CAMTA2: variants seen among roughly 807,000 people sequenced by gnomAD.
The protein encoded by CAMTA2 is calmodulin binding transcription activator 2.
Under a neutral mutation model 135.7 loss-of-function variants are expected in CAMTA2, and 56 were observed. That is an observed-to-expected ratio of 0.41 (90% CI 0.33 to 0.52). The LOEUF (loss-of-function observed/expected upper bound fraction) is 0.52, where lower values mean the gene tolerates loss of function less well. Among genes scored for constraint, CAMTA2 ranks in the 20% least tolerant of loss-of-function variants. The pLI, the probability that CAMTA2 is intolerant of heterozygous loss-of-function variation, is 0.16. For synonymous variants in CAMTA2, 591 were observed against 604.6 expected, an observed-to-expected ratio of 0.98 and a Z score of 0.33; for missense variants, 1,358 against 1,553.4, an observed-to-expected ratio of 0.87 and a Z score of 2.11.
At chr17:4,986,720 T>C (rs1973345686) in intron 1 of CAMTA2, 1 of 555,330 alleles carries the variant, frequency 1.8e-6, no homozygotes, top group Admixed American at 3.6e-5. Flanking sequence ...AGCTAGGCCT[T>C]TAGAAGACAC....
rs1229627847 is a variant in CAMTA2 at position 4,968,183 on chromosome 17, T to TCC, written c.*571_*572dup. On this transcript the variant is annotated 3_prime_UTR_variant, in exon 23 of 23. Transcript: ENST00000348066. ...TATGTTACAGTATGTACAAGACCCC[T>TCC]CCCCTCGGGGGACGGGGCGGACTCC... 1 of 265,584 alleles carries TCC rather than the reference T, an allele frequency of 3.8e-6. No individual in the cohort carries two copies. The highest frequency in any genetic ancestry group is 2.2e-5 in the African/African-American group (1 of 45,006). 16.5% of individuals were successfully genotyped at this position (265,584 alleles called of 1,614,324 possible).
At chr17:4,981,415 C>T in intron 7 of CAMTA2, 56 bp from the exon 8 acceptor site, 1 of 1,593,210 alleles carries the variant, frequency 6.3e-7, no homozygotes, top group Admixed American at 1.7e-5. Context: ...CCCCAGAGTA[C>T]CTTGATGGCT....
rs771886375 is a variant in CAMTA2, at chr17:4,977,238, C to T, written c.1766-46G>A. On this transcript the variant is annotated intron_variant, in intron 10 of 22. Transcript: ENST00000348066. ...GAGAAGGGCTCTCTTTCCCTGGCTC[C>T]TTCTCTGGCTACCTGTGTCAGCCAC... is the stretch of plus-strand genomic sequence containing the variant. The T allele has an allele frequency of 3.1e-6, 5 of 1,598,730 alleles. No individual in the cohort carries two copies. The East Asian group carries it at 6.7e-5, about 22-fold the overall frequency.
intron 11 of CAMTA2, among the ~76,000 whole-genome samples, chr17:4,976,453 CTT>C (rs750527941): frequency 3.8e-4 from 58 of 152,200 alleles, no homozygotes; most frequent in Non-Finnish European, 7.9e-4. Context: ...AATCCCAACA[CTT>C]TGGTAGACCA....
chr17:4,972,582 T>A, intron 15 of CAMTA2, 46 bp from the exon 16 acceptor site: 2 of 1,571,600 alleles, frequency 1.3e-6, no homozygotes, highest in Non-Finnish European at 1.7e-6. Context: ...GCCACGGCCA[T>A]CCCTCGCTCA....
At position 4,974,407 on chromosome 17, in the gene CAMTA2, C is replaced by G; in HGVS notation, c.1994G>C (p.Gly665Ala). 1 of 1,612,888 alleles carries G rather than the reference C, an allele frequency of 6.2e-7. No individual in the cohort carries two copies. Among genetic ancestry groups the G allele is most frequent in the Non-Finnish European group, 8.5e-7 (1 of 1,178,926 alleles). ...TACCTGAACTGGAGGAGCATCAGGA[C>G]CCTGGCAAGGCACCTGCCCAGCTGC... is the stretch of plus-strand genomic sequence containing the variant. The part of the protein sequence containing the change: ...IAAAGQVPCQ[G>A]PDAPPVQDEG... Residue 665 changes from glycine to alanine, a missense_variant, in exon 12 of 23, where the codon GGT becomes GCT. Gly to Ala is a moderately conservative substitution (Grantham distance 60, BLOSUM62 0). Coordinates refer to ENST00000348066, the MANE Select transcript of CAMTA2 (RefSeq NM_015099.4).
chr17:4,969,714 A>C lies in CAMTA2; in HGVS notation c.3190-13T>G, dbSNP rs1190902263. 3.1e-6 allele frequency: 5 copies of C among 1,613,484 alleles called. No homozygotes were observed. In the African/African-American group the frequency reaches 6.7e-5, roughly 22 times the overall value. Reference sequence around the variant, plus strand: ...TCAGCCGCCGGCCCTGAAGGGAGAGAAGTCTCACCACCTCATGACCCACAT... The same window carrying C: ...TCAGCCGCCGGCCCTGAAGGGAGAGCAGTCTCACCACCTCATGACCCACAT... On this transcript the variant is annotated splice_polypyrimidine_tract_variant and intron_variant, in intron 18 of 22. Coordinates refer to ENST00000348066, the MANE Select transcript of CAMTA2 (RefSeq NM_015099.4). This position sits in a 1 kb window ranked among gnomAD's most constrained non-coding sequence, Gnocchi z 5.6.
intron 5 of CAMTA2, 107 bp downstream of exon 5, chr17:4,982,650 A>C (rs972290012): frequency 5.0e-6 from 6 of 1,211,810 alleles, no homozygotes; most frequent in East Asian, 2.4e-5. Context: ...AGTAACTGGG[A>C]GGGGACTGAG....
At position 4,968,959 on chromosome 17, in the gene CAMTA2, G is replaced by A; in HGVS notation, c.3493C>T (p.Gln1165Ter). The A allele has an allele frequency of 6.2e-7, 1 of 1,614,194 alleles. No individual in the cohort carries two copies. The highest frequency in any genetic ancestry group is 8.5e-7 in the Non-Finnish European group (1 of 1,180,026). Residue 1165 changes from glutamine (Q) to a stop codon, truncating the protein, a stop_gained, in exon 22 of 23, where the codon CAG becomes TAG. Transcript: ENST00000348066. LOFTEE classifies it high-confidence loss of function. ...RNKGSFLTKK[Q>*]DQAARKIMRF... ...ATGATCTTCCGGGCTGCCTGGTCCT[G>A]CTTCTTGGTGAGAAAGGAGCCTCTG...
chr17:4,968,798 G>C lies in CAMTA2; in HGVS notation c.3567C>G (p.Asn1189Lys). The change falls in exon 23 of 23, where the codon AAC becomes AAG. Residue 1189 changes from asparagine to lysine, a missense_variant. This residue lies in a region of CAMTA2 where 167 missense variants were observed against 207.0 expected (regional missense o/e 0.81). Transcript: ENST00000348066. ...GCTGGGGAAGCCCTTCCAGCTCCTG[G>C]TTCTGCTTCAGTTCCCTCATCCTGC... ...CRHRMRELKQ[N>K]QELEGLPQPG... 6.2e-7 allele frequency: 1 copy of C among 1,614,184 alleles called. No individual in the cohort carries two copies. The highest frequency in any genetic ancestry group is 8.5e-7 in the Non-Finnish European group (1 of 1,180,034).
intron 10 of CAMTA2, 113 bp downstream of exon 10, chr17:4,978,391 G>A (rs746278529): frequency 4.7e-5 from 55 of 1,164,866 alleles, no homozygotes; most frequent in Non-Finnish European, 6.5e-5. Context: ...TGAAGTCCTT[G>A]TGCTCTCAAA....
intron 17 of CAMTA2, 115 bp from the exon 18 acceptor site, chr17:4,970,200 G>T: frequency 7.2e-7 from 1 of 1,387,306 alleles, no homozygotes; most frequent in Non-Finnish European, 1.0e-6. Context: ...TGACTTCAGA[G>T]TTCATCAGCC....
chr17:4,982,634 G>T, intron 5 of CAMTA2, 123 bp downstream of exon 5: 1 of 1,063,958 alleles, frequency 9.4e-7, no homozygotes, highest in Admixed American at 2.5e-5. Context: ...TGAGTGAGAA[G>T]GGAAGAGTAA....
Position 4,969,039 on chromosome 17 carries a change from C to T in CAMTA2, c.3471-58G>A. On this transcript the variant is annotated intron_variant, in intron 21 of 22. Transcript: ENST00000348066. The surrounding 1 kb of genome is among the most constrained non-coding windows in gnomAD (Gnocchi z 5.6). ...AAGGCATCGCATGCCTTCGGCCCCC[C>T]CAGGAACCCTAGGCAGGGAATGGCA... The T allele has an allele frequency of 6.3e-7, 1 of 1,594,784 alleles. No homozygotes were observed. Among genetic ancestry groups the T allele is most frequent in the Non-Finnish European group, 8.6e-7 (1 of 1,165,766 alleles).
intron 10 of CAMTA2, 124 bp from the exon 11 acceptor site, chr17:4,977,316 C>T (rs1218715847): frequency 1.6e-6 from 2 of 1,261,094 alleles, no homozygotes; most frequent in Non-Finnish European, 1.1e-6. Context: ...GGCCAAGAGG[C>T]CCCTGGCTTC....
chr17:4,982,674 C>G (rs971384617), intron 5 of CAMTA2, 83 bp downstream of exon 5: 7 of 1,501,070 alleles, frequency 4.7e-6, no homozygotes, highest in East Asian at 2.3e-5. Context: ...GACAATGCCA[C>G]CAAGCCCAGG....
intron 3 of CAMTA2, chr17:4,983,314 C>T (rs542411041): frequency 8.2e-6 from 3 of 363,848 alleles, no homozygotes; most frequent in African/African-American, 4.2e-5. Context: ...TGGAGTTTCA[C>T]TCTTGTTGCC....
Position 4,970,063 on chromosome 17 carries a change from G to A in CAMTA2, c.3028C>T (p.Arg1010Cys), listed in dbSNP as rs777003581. ...PPSELPFERGRLAVPSAPSWA... is the reference protein window; with the variant it reads ...PPSELPFERGCLAVPSAPSWA... ...GAGGGTGCTGAAGGGACAGCCAGGC[G>A]ACCTCGCTCAAAGGGCAGTTCGCTG... is the stretch of plus-strand genomic sequence containing the variant. The change falls in exon 18 of 23, where the codon CGC becomes TGC. Residue 1010 changes from arginine to cysteine, a missense_variant. By Grantham distance (180) the Arg-to-Cys change is radical. This residue lies in a region of CAMTA2 where 1,077 missense variants were observed against 1,127.5 expected (regional missense o/e 0.96). Coordinates refer to ENST00000348066, the MANE Select transcript of CAMTA2 (RefSeq NM_015099.4). 45 of 1,613,958 alleles carry A rather than the reference G, an allele frequency of 2.8e-5. No individual in the cohort carries two copies. Among genetic ancestry groups the A allele is most frequent in the Admixed American group, 6.7e-5 (4 of 60,010 alleles).
rs566597156 is a variant in CAMTA2 at position 4,985,384 on chromosome 17, G to A, written c.135+496C>T. On this transcript the variant is annotated intron_variant, in intron 3 of 22. Coordinates refer to ENST00000348066, the MANE Select transcript of CAMTA2 (RefSeq NM_015099.4). ...CAGTAGCTTTTGTTTTTACCCAGGTGGCTATGCCACAGAAAAGAGGGCTCC... is the reference window on the plus strand; with the variant it reads ...CAGTAGCTTTTGTTTTTACCCAGGTAGCTATGCCACAGAAAAGAGGGCTCC... Among the ~76,000 whole-genome samples the A allele has an allele frequency of 9.2e-5, 14 of 152,344 alleles. No homozygotes were observed. The South Asian group carries it at 2.7e-3, about 29-fold the overall frequency.
Sources: allele counts gnomAD v4.1 joint callset (sites outside exome capture counted in the v4.1 genomes callset), GRCh38; gene constraint gnomAD v4.1.1; regional missense constraint gnomAD v4.1.1; non-coding constraint Gnocchi (gnomAD v3.1); transcripts MANE v1.5; gene names NCBI Gene and HGNC (gene_info 2026-07-23, HGNC 2026-07-21).